Variants in ASH1L observed in about 807,000 individuals in gnomAD.
ASH1L encodes the protein histone-lysine N-methyltransferase ASH1L.
ASH1L carries 23 observed loss-of-function variants against 269.0 expected under a neutral mutation model. The observed-to-expected ratio is 0.09, with a 90% CI of 0.06 to 0.12. The LOEUF (loss-of-function observed/expected upper bound fraction) is 0.12, where lower values mean the gene tolerates loss of function less well. Among genes scored for constraint, ASH1L ranks in the 10% least tolerant of loss-of-function variants. The pLI is 1.00. For synonymous variants in ASH1L, 1,187 were observed against 1,253.5 expected (o/e 0.95, Z 1.12); for missense variants, 2,912 against 3,567.8 (o/e 0.82, Z 4.68).
intron 6 of ASH1L, among the ~76,000 whole-genome samples, chr1:155,401,251 C>T (rs1207129100): frequency 7.3e-5 from 11 of 151,472 alleles, no homozygotes; most frequent in South Asian, 2.1e-4. Context: ...CCAAGGCAGG[C>T]GGATCACTTG....
intron 5 of ASH1L, chr1:155,433,048 C>A: frequency 9.7e-7 from 1 of 1,033,478 alleles, no homozygotes; most frequent in Non-Finnish European, 1.4e-6. Context: ...CAGAAATCAT[C>A]CTCCTTGTCA....
At chr1:155,562,949 C>T, upstream of ASH1L, 3 of 457,566 alleles carry the variant, frequency 6.6e-6, no homozygotes, top group South Asian at 4.6e-5. Flanking sequence ...ACAATCCCCC[C>T]CGCGGGACTG....
rs527435530 is a variant in ASH1L at position 155,541,953 on chromosome 1, G to A, written c.-100+20200C>T. ...TAAATTTCCAATTACCAAGTCACAA[G>A]GGGAAAAGTAAGCCCCAGAAAGCAG... On this transcript the variant is annotated intron_variant, in intron 1 of 27. Coordinates refer to ENST00000392403, the MANE Select transcript of ASH1L (RefSeq NM_018489.3). Among the ~76,000 whole-genome samples, 13 of 152,240 alleles carry A rather than the reference G, an allele frequency of 8.5e-5. No individual in the cohort carries two copies. The East Asian group carries it at 2.5e-3, about 29-fold the overall frequency.
At position 155,438,928 on chromosome 1, in the gene ASH1L, C is replaced by A. The variant is rs767487778; in HGVS notation, c.5227G>T (p.Ala1743Ser). 1.2e-6 allele frequency: 2 copies of A among 1,614,072 alleles called. No homozygotes were observed. The highest frequency in any genetic ancestry group is 1.7e-6 in the Non-Finnish European group (2 of 1,180,054). The part of the protein sequence containing the change: ...SIDAVIATAS[A>S]PPSSSPGRSH... ...CGGCCTGGACTGGAAGAAGGTGGTG[C>A]AGAGGCAGTTGCAATCACAGCATCA... Residue 1743 changes from alanine (A) to serine (S), a missense_variant, in exon 5 of 28, where the codon GCA becomes TCA. By Grantham distance (99) the Ala-to-Ser change is moderately conservative. Around this residue, in one of 13 missense-constraint regions of ASH1L, gnomAD observed 789 missense variants for 897.6 expected, o/e 0.88. Transcript: ENST00000392403.
At chr1:155,426,458 C>G (rs940297514) in intron 5 of ASH1L, among the ~76,000 whole-genome samples, 1 of 152,136 alleles carries the variant, frequency 6.6e-6, no homozygotes, top group African/African-American at 2.4e-5. Flanking sequence ...GCCTCGGCCT[C>G]CCAAAGTGCT....
chr1:155,423,007 G>A (rs1006407867), intron 5 of ASH1L, among the ~76,000 whole-genome samples: 7 of 150,682 alleles, frequency 4.6e-5, no homozygotes, highest in Non-Finnish European at 8.9e-5. Flanking sequence ...GAGTGCAGTG[G>A]TGCGATCTCG....
At chr1:155,427,132 ATTT>A (rs67465671) in intron 5 of ASH1L, among the ~76,000 whole-genome samples, 1,252 of 96,110 alleles carry the variant, frequency 0.013, 20 homozygotes, top group African/African-American at 0.042. Flanking sequence ...CTCTGATATA[ATTT>A]TTTTTTTTTT....
rs1399400506 is a variant in ASH1L at position 155,352,943 on chromosome 1, C to A, written c.7214-85G>T. The A allele has an allele frequency of 8.3e-6, 11 of 1,326,690 alleles. No homozygotes were observed. The South Asian group carries it at 1.6e-4, about 19-fold the overall frequency. The allele number at this position is 1,326,690 out of a possible 1,614,324, so 82.2% of individuals were successfully genotyped here. ...TTTCCCAATGGATTCCTGCCATTTG[C>A]TCTATTTTCCCCTGAAGTGATTAGG... On this transcript the variant is annotated intron_variant, in intron 16 of 27. Transcript: ENST00000392403.
chr1:155,431,942 A>G (rs1258238052), intron 5 of ASH1L, among the ~76,000 whole-genome samples: 3 of 152,218 alleles, frequency 2.0e-5, no homozygotes, highest in Non-Finnish European at 2.9e-5. Context: ...GCAAAAATTT[A>G]TAAGTGTTTT....
intron 1 of ASH1L, among the ~76,000 whole-genome samples, chr1:155,526,332 CT>C (rs1669252514): frequency 1.3e-5 from 2 of 152,154 alleles, no homozygotes; most frequent in South Asian, 4.1e-4. Flanking sequence ...AATGAGAAAA[CT>C]ATACACAAGT....
chr1:155,476,279 G>A (rs1365311558), intron 3 of ASH1L, among the ~76,000 whole-genome samples: 7 of 151,918 alleles, frequency 4.6e-5, no homozygotes, highest in Non-Finnish European at 8.8e-5. Flanking sequence ...CCAGCTACTC[G>A]GGAGGGTGAG....
At chr1:155,399,602 G>A (rs776924746) in intron 6 of ASH1L, among the ~76,000 whole-genome samples, 2 of 151,938 alleles carry the variant, frequency 1.3e-5, no homozygotes, top group Non-Finnish European at 1.5e-5. Context: ...TGGCACCACC[G>A]CACTCCAGTC....
intron 17 of ASH1L, 54 bp from the exon 18 acceptor site, chr1:155,349,650 G>A (rs1653694500): frequency 6.7e-7 from 1 of 1,491,930 alleles, no homozygotes. Flanking sequence ...AGGGAGGCAA[G>A]CATCTCCTAA....
At chr1:155,456,388 T>C (rs1663864270) in intron 4 of ASH1L, among the ~76,000 whole-genome samples, 2 of 152,260 alleles carry the variant, frequency 1.3e-5, no homozygotes, top group South Asian at 4.1e-4. Context: ...TTTGACACTT[T>C]CTGATCGAAC....
At chr1:155,421,654 G>A (rs991069712) in intron 5 of ASH1L, among the ~76,000 whole-genome samples, 1 of 150,938 alleles carries the variant, frequency 6.6e-6, no homozygotes, top group Non-Finnish European at 1.5e-5. Context: ...TTGGGCGACA[G>A]AGCAAGACTC....
chr1:155,521,570 T>A lies in ASH1L; in HGVS notation c.-51A>T. 6.6e-7 allele frequency: 1 copy of A among 1,515,286 alleles called. No homozygotes were observed. Among genetic ancestry groups the A allele is most frequent in the South Asian group, 1.3e-5 (1 of 78,990 alleles). 93.9% of individuals were successfully genotyped at this position (1,515,286 alleles called of 1,614,324 possible). A position where few individuals can be genotyped will look rare whatever the true frequency, so the allele number is the denominator to read the frequency against. On this transcript the variant is annotated 5_prime_UTR_variant, in exon 2 of 28. Transcript: ENST00000392403. ...ATCTTATGAAAATTTTACAGAACTG[T>A]GTTCCATAAAAAACAAGGATCTCCA...
chr1:155,514,001 G>A (rs575781978), intron 2 of ASH1L, among the ~76,000 whole-genome samples: 1 of 152,228 alleles, frequency 6.6e-6, no homozygotes, highest in Non-Finnish European at 1.5e-5. Context: ...ACTCCAAGAT[G>A]GACAACCTTG....
At chr1:155,546,375 G>A (rs1370669642) in intron 1 of ASH1L, among the ~76,000 whole-genome samples, 1 of 152,014 alleles carries the variant, frequency 6.6e-6, no homozygotes, top group Non-Finnish European at 1.5e-5. Context: ...TGGTAAAGGG[G>A]AAAGGGAGGT....
At chr1:155,495,780 T>C (rs1667110115) in intron 2 of ASH1L, among the ~76,000 whole-genome samples, 1 of 152,160 alleles carries the variant, frequency 6.6e-6, no homozygotes, top group African/African-American at 2.4e-5. Context: ...AGCGGATCAC[T>C]TGAGGTCAGG....
Sources: gnomAD v4.1 joint callset for allele counts (sites outside exome capture counted in the v4.1 genomes callset) on GRCh38, gnomAD v4.1.1 for gene constraint, gnomAD v4.1.1 regional missense constraint, MANE v1.5 for transcripts, NCBI Gene and HGNC (gene_info 2026-07-23, HGNC 2026-07-21) for gene names.